Variants in SERPINB12 observed in about 807,000 individuals in gnomAD.
The protein encoded by SERPINB12 is serpin family B member 12.
In SERPINB12, 57 loss-of-function variants were observed where a neutral mutation model predicts 41.1. The observed-to-expected ratio is 1.39, with a 90% CI of 1.12 to 1.73. The LOEUF (loss-of-function observed/expected upper bound fraction) is 1.73. SERPINB12 is among the 40% of genes most tolerant of loss of function. The pLI, the probability that SERPINB12 is intolerant of heterozygous loss-of-function variation, is 0.00. For synonymous variants in SERPINB12, 180 were observed against 181.3 expected (o/e 0.99, Z 0.06); for missense variants, 536 against 501.9 (o/e 1.07, Z -0.65).
the SERPINB12 span, among the ~76,000 whole-genome samples, chr18:63,524,074 T>C: frequency 1.3e-5 from 2 of 152,036 alleles, no homozygotes; most frequent in Admixed American, 1.3e-4. Context: ...AACAAGAAGA[T>C]GTTGCAGTTC....
chr18:63,561,496 G>A (rs1910909821), intron 5 of SERPINB12, among the ~76,000 whole-genome samples: 2 of 152,224 alleles, frequency 1.3e-5, no homozygotes, highest in South Asian at 2.1e-4. Context: ...ATTTCTCAGA[G>A]TTAAAACAGA....
At chr18:63,529,256 G>C in the SERPINB12 span, among the ~76,000 whole-genome samples, 2 of 152,212 alleles carry the variant, frequency 1.3e-5, no homozygotes, top group Non-Finnish European at 2.9e-5. Flanking sequence ...AAGTTGCCTT[G>C]AATCCGTTAT....
At chr18:63,524,523 C>T in the SERPINB12 span, among the ~76,000 whole-genome samples, 14 of 152,118 alleles carry the variant, frequency 9.2e-5, no homozygotes, top group Non-Finnish European at 2.9e-5. Context: ...CTCCTGACCT[C>T]AAGTGATCCA....
chr18:63,549,438 TCTGA>T (rs1910468073), intron 1 of SERPINB12, among the ~76,000 whole-genome samples: 3 of 152,154 alleles, frequency 2.0e-5, no homozygotes, highest in Non-Finnish European at 4.4e-5. Flanking sequence ...TTCTTTTTCT[TCTGA>T]CTAAGAACTG....
At chr18:63,526,516 T>A in the SERPINB12 span, among the ~76,000 whole-genome samples, 4 of 152,204 alleles carry the variant, frequency 2.6e-5, no homozygotes, top group Non-Finnish European at 5.9e-5. Flanking sequence ...GACAGTAAAA[T>A]ATAGTAAAAT....
intron 1 of SERPINB12, among the ~76,000 whole-genome samples, chr18:63,551,636 T>G (rs1389030108): frequency 6.6e-6 from 1 of 152,232 alleles, no homozygotes; most frequent in Admixed American, 6.5e-5. Flanking sequence ...GCGTTGTTCC[T>G]GAGTTTTGGC....
At chr18:63,555,085 C>G (rs1405310894) in intron 1 of SERPINB12, among the ~76,000 whole-genome samples, 1 of 152,144 alleles carries the variant, frequency 6.6e-6, no homozygotes, top group East Asian at 1.9e-4. Flanking sequence ...AAACTCTTTC[C>G]TTTATAAATG....
chr18:63,533,271 C>G, the SERPINB12 span, among the ~76,000 whole-genome samples: 1 of 152,262 alleles, frequency 6.6e-6, no homozygotes, highest in Admixed American at 6.5e-5. Flanking sequence ...CCACCACGCC[C>G]GGCCTCGTAT....
chr18:63,564,070 A>G lies in SERPINB12; in HGVS notation c.655A>G (p.Thr219Ala), dbSNP rs769068405. 6.2e-7 allele frequency: 1 copy of G among 1,614,094 alleles called. No individual in the cohort carries two copies. Among genetic ancestry groups the G allele is most frequent in the South Asian group, 1.1e-5 (1 of 91,070 alleles). The change falls in exon 6 of 8, where the codon ACA becomes GCA. Residue 219 changes from threonine (T) to alanine (A), a missense_variant. Physicochemically the swap from Thr to Ala is moderately conservative, Grantham distance 58 (BLOSUM62 0). Transcript: ENST00000382768. The stretch of plus-strand genomic sequence containing the variant: ...TGTTTACTTCAAGGCCAAATGGGAA[A>G]CATACTTTGACCATGAAAACACGGT... ...NAVYFKAKWE[T>A]YFDHENTVDA...
intron 6 of SERPINB12, among the ~76,000 whole-genome samples, 184 bp from the exon 7 acceptor site, chr18:63,565,261 T>C (rs959663486): frequency 5.9e-5 from 9 of 152,110 alleles, no homozygotes; most frequent in African/African-American, 1.7e-4. Flanking sequence ...AGATAAAGTG[T>C]TGGCAAAGTA....
At chr18:63,532,568 G>C in the SERPINB12 span, among the ~76,000 whole-genome samples, 5 of 152,152 alleles carry the variant, frequency 3.3e-5, no homozygotes, top group African/African-American at 1.2e-4. Context: ...TTTGGAGGAG[G>C]AGATGAAAGT....
In SERPINB12 at chr18:63,556,124, CTTTTT is replaced by C. The variant is rs747434497; in HGVS notation, c.-18-13_-18-9del. Reference sequence around the variant, plus strand: ...TTCCAATCACCATTTTCTCTTTCTCCTTTTTTTTTGGTTTTAGATCGTTATAAGTT... The same window carrying C: ...TTCCAATCACCATTTTCTCTTTCTCCTTTTGGTTTTAGATCGTTATAAGTT... On this transcript the variant is annotated splice_polypyrimidine_tract_variant and intron_variant, in intron 1 of 7. Coordinates refer to ENST00000382768, the MANE Select transcript of SERPINB12 (RefSeq NM_001307928.2). The C allele has an allele frequency of 6.6e-7, 1 of 1,507,282 alleles. No individual in the cohort carries two copies. Among genetic ancestry groups the C allele is most frequent in the Non-Finnish European group, 9.0e-7 (1 of 1,105,194 alleles). 93.4% of individuals were successfully genotyped at this position (1,507,282 alleles called of 1,614,324 possible).
rs1459870632 is a variant in SERPINB12, at chr18:63,564,167, T to C, written c.705+47T>C. 4 of 1,580,360 alleles carry C rather than the reference T, an allele frequency of 2.5e-6. No individual in the cohort carries two copies. In the East Asian group the frequency reaches 6.8e-5, roughly 27 times the overall value. ...TTTTCTAGCTAGCCAACTCATAATTTCCACTAGGAATGATTTACAATATGT... is the reference window on the plus strand; with the variant it reads ...TTTTCTAGCTAGCCAACTCATAATTCCCACTAGGAATGATTTACAATATGT... On this transcript the variant is annotated intron_variant, in intron 6 of 7. Transcript: ENST00000382768.
chr18:63,538,875 A>G (rs546410942), upstream of SERPINB12, among the ~76,000 whole-genome samples: 2 of 152,312 alleles, frequency 1.3e-5, no homozygotes, highest in Non-Finnish European at 2.9e-5. Context: ...TTTTTAAATT[A>G]TAACCATCCC....
At chr18:63,531,391 A>T in the SERPINB12 span, among the ~76,000 whole-genome samples, 1 of 152,204 alleles carries the variant, frequency 6.6e-6, no homozygotes, top group Non-Finnish European at 1.5e-5. Flanking sequence ...TGGACCACAG[A>T]GCAATTTTTA....
the SERPINB12 span, among the ~76,000 whole-genome samples, chr18:63,530,810 A>G: frequency 9.7e-4 from 147 of 152,266 alleles, 1 homozygote; most frequent in African/African-American, 3.4e-3. Flanking sequence ...GTATCTTTAA[A>G]AGGGAGGGGA....
At position 63,569,218 on chromosome 18, in the gene SERPINB12, A is replaced by G. The variant is rs1019745078; in HGVS notation, c.*2207A>G. On this transcript the variant is annotated 3_prime_UTR_variant, in exon 8 of 8. Transcript: ENST00000382768. ...GTATCTATTTACAATAATGAGGAAA[A>G]TTAAGAATCTTAAATCTTTATGTAA... Among the ~76,000 whole-genome samples the G allele has an allele frequency of 7.2e-5, 11 of 152,314 alleles. No homozygotes were observed. Among genetic ancestry groups the G allele is most frequent in the East Asian group, 3.9e-4 (2 of 5,180 alleles).
the SERPINB12 span, among the ~76,000 whole-genome samples, chr18:63,523,258 G>A: frequency 1.3e-5 from 2 of 152,180 alleles, no homozygotes; most frequent in Non-Finnish European, 2.9e-5. Flanking sequence ...AGCAAATATA[G>A]ACAGTCACAT....
chr18:63,533,152 A>C, the SERPINB12 span, among the ~76,000 whole-genome samples: 1 of 151,998 alleles, frequency 6.6e-6, no homozygotes, highest in Non-Finnish European at 1.5e-5. Flanking sequence ...TAATTCTTGT[A>C]TTTTTAGTAG....
Sources: gnomAD v4.1 joint callset for allele counts (sites outside exome capture counted in the v4.1 genomes callset) on GRCh38, gnomAD v4.1.1 for gene constraint, MANE v1.5 for transcripts, NCBI Gene and HGNC (gene_info 2026-07-23, HGNC 2026-07-21) for gene names.